The following NIN variants were observed in gnomAD, a reference collection of about 807,000 sequenced individuals.
NIN encodes the protein glycogen synthase kinase 3 beta-interacting protein.
In NIN, 137 loss-of-function variants were observed where a neutral mutation model predicts 257.6. That is an observed-to-expected ratio of 0.53 (90% confidence interval 0.46 to 0.61). The LOEUF (loss-of-function observed/expected upper bound fraction) is 0.61. Among genes scored for constraint, NIN ranks in the 20% least tolerant of loss-of-function variants. The pLI, the probability that NIN is intolerant of heterozygous loss-of-function variation, is 0.00. For synonymous variants in NIN, 918 were observed against 919.8 expected (o/e 1.00, Z 0.04); for missense variants, 2,439 against 2,501.2 (o/e 0.98, Z 0.53).
chr14:50,760,023 G>A lies in NIN; in HGVS notation c.2233C>T (p.Leu745Phe). Residue 745 changes from leucine to phenylalanine, a missense_variant, in exon 17 of 31, where the codon CTT becomes TTT. Leu to Phe is a conservative substitution (Grantham distance 22). Around this residue, in one of 3 missense-constraint regions of NIN, gnomAD observed 2,043 missense variants for 2,050.2 expected, o/e 1.00. Coordinates refer to ENST00000530997, the MANE Select transcript of NIN (RefSeq NM_020921.4). ...QASFEREREG[L>F]QSSAWTEEKV... is the part of the protein sequence containing the mutation. ...TCTTCTGTCCAGGCGCTACTCTGAA[G>A]GCCTTCCCTCTCCCGCTCAAAGCTT... The A allele has an allele frequency of 6.2e-7, 1 of 1,614,194 alleles. No homozygotes were observed. Among genetic ancestry groups the A allele is most frequent in the Non-Finnish European group, 8.5e-7 (1 of 1,180,040 alleles).
intron 21 of NIN, among the ~76,000 whole-genome samples, chr14:50,749,051 C>G (rs1021391322): frequency 6.6e-6 from 1 of 152,182 alleles, no homozygotes; most frequent in African/African-American, 2.4e-5. Context: ...AGCTACCTGA[C>G]TTCAAACTAT....
chr14:50,729,664 C>G lies in NIN; in HGVS notation c.5937G>C (p.Gln1979His), dbSNP rs375593881. The G allele has an allele frequency of 2.5e-6, 4 of 1,613,664 alleles. No individual in the cohort carries two copies. The highest frequency in any genetic ancestry group is 2.7e-5 in the African/African-American group (2 of 74,940). ...PSPSPHAWDLQLLQQQACPMV... is the reference protein window; with the variant it reads ...PSPSPHAWDLHLLQQQACPMV... ...TCGGACAGGCTTGCTGCTGGAGCAG[C>G]TGCAAATCCCAAGCATGAGGGGACG... The change falls in exon 29 of 31, where the codon CAG (glutamine) becomes CAC (histidine). Residue 1979 changes from glutamine (Q) to histidine (H), a missense_variant. Physicochemically the swap from Gln to His is conservative, Grantham distance 24. Around this residue, in one of 3 missense-constraint regions of NIN, gnomAD observed 2,043 missense variants for 2,050.2 expected, o/e 1.00. Transcript: ENST00000530997.
At chr14:50,771,151 T>A (rs1316678296) in intron 10 of NIN, among the ~76,000 whole-genome samples, 159 bp from the exon 11 acceptor site, 2 of 152,190 alleles carry the variant, frequency 1.3e-5, no homozygotes, top group African/African-American at 2.4e-5. Flanking sequence ...TTCAAAAGCC[T>A]ACATGTCAAT....
intron 4 of NIN, among the ~76,000 whole-genome samples, chr14:50,805,290 C>G (rs1357015666): frequency 6.6e-6 from 1 of 152,096 alleles, no homozygotes; most frequent in Non-Finnish European, 1.5e-5. Flanking sequence ...GTGAAAACAC[C>G]AATAAAATGA....
rs569248033 is a variant in NIN at position 50,784,820 on chromosome 14, A to C, written c.436-6016T>G. On this transcript the variant is annotated intron_variant, in intron 5 of 30. Coordinates refer to ENST00000530997, the MANE Select transcript of NIN (RefSeq NM_020921.4). ...GATGAAGCAGTGAACTTCCAATTCA[A>C]CTTAGGATCAGGGCTTCCCCTGGGG... 6.6e-4 allele frequency among the ~76,000 whole-genome samples: 100 copies of C among 152,334 alleles called. 3 individuals are homozygous for C. In the South Asian group the frequency reaches 0.02, roughly 31 times the overall value.
At chr14:50,762,057 C>A (rs374923939) in intron 15 of NIN, 146 bp from the exon 16 acceptor site, 1 of 805,420 alleles carries the variant, frequency 1.2e-6, no homozygotes, top group Non-Finnish European at 2.0e-6. Context: ...TAACAGAGGC[C>A]AAGAGAAGTC....
intron 14 of NIN, among the ~76,000 whole-genome samples, chr14:50,765,690 G>T (rs1474919656): frequency 6.7e-6 from 1 of 150,002 alleles, no homozygotes; most frequent in African/African-American, 2.4e-5. Flanking sequence ...GTGGTTTTCT[G>T]TTTCATTTGC....
chr14:50,759,163 A>T (rs1373755391), intron 17 of NIN, among the ~76,000 whole-genome samples: 1 of 152,218 alleles, frequency 6.6e-6, no homozygotes, highest in Admixed American at 6.5e-5. Context: ...GTAAGCATGG[A>T]GTGCTGTTTC....
At chr14:50,796,878 T>G (rs2043863187) in intron 4 of NIN, among the ~76,000 whole-genome samples, 1 of 152,196 alleles carries the variant, frequency 6.6e-6, no homozygotes, top group Admixed American at 6.5e-5. Flanking sequence ...TCACCACATC[T>G]GCATCAGATG....
At chr14:50,734,567 A>T (rs911869203) in intron 28 of NIN, among the ~76,000 whole-genome samples, 10 of 152,252 alleles carry the variant, frequency 6.6e-5, no homozygotes, top group Non-Finnish European at 1.3e-4. Flanking sequence ...CTTAAGAAGG[A>T]TGTACACATA....
intron 28 of NIN, among the ~76,000 whole-genome samples, chr14:50,732,283 G>C (rs964792319): frequency 6.6e-6 from 1 of 152,172 alleles, no homozygotes; most frequent in Non-Finnish European, 1.5e-5. Flanking sequence ...TTCTGATATA[G>C]AAACCTGTCC....
Position 50,769,261 on chromosome 14 carries a change from A to T in NIN, c.1434+1127T>A, listed in dbSNP as rs568147750. On this transcript the variant is annotated intron_variant, in intron 12 of 30. Coordinates refer to ENST00000530997, the MANE Select transcript of NIN (RefSeq NM_020921.4). ...GAAACAGGCTGAGGAACCTGATCAA[A>T]GTTTTCAGTAAGTGGTGGTACCCAG... Among the ~76,000 whole-genome samples the T allele has an allele frequency of 2.6e-5, 4 of 152,282 alleles. No homozygotes were observed. The South Asian group carries it at 8.3e-4, about 32-fold the overall frequency.
At chr14:50,730,993 G>A (rs1308494101) in intron 28 of NIN, 1 of 1,297,506 alleles carries the variant, frequency 7.7e-7, no homozygotes, top group African/African-American at 1.5e-5. Flanking sequence ...TCTAGGTACA[G>A]GTTAGCCACA....
intron 16 of NIN, among the ~76,000 whole-genome samples, chr14:50,761,400 T>C (rs1051069911): frequency 6.6e-6 from 1 of 152,210 alleles, no homozygotes; most frequent in South Asian, 2.1e-4. Context: ...GAACGGTCAG[T>C]TGAAGTCTGG....
At chr14:50,763,740 T>C in intron 15 of NIN, 86 bp downstream of exon 15, 1 of 1,172,584 alleles carries the variant, frequency 8.5e-7, no homozygotes. Flanking sequence ...TTTTTCAAGT[T>C]GCCAAAGCTT....
chr14:50,723,789 T>C, intron 30 of NIN, 117 bp from the exon 31 acceptor site: 1 of 775,216 alleles, frequency 1.3e-6, no homozygotes, highest in Non-Finnish European at 2.1e-6. Context: ...CGTCTAATTA[T>C]ATTCTTTTAT....
In NIN at chr14:50,747,966, C is replaced by A. The variant is rs182338288; in HGVS notation, c.5064+26G>T. ...CACCAGGTACATATTGTTCTGTGAACCCCCCTTAGCTGCACACAGCCTTAC... is the reference window on the plus strand; with the variant it reads ...CACCAGGTACATATTGTTCTGTGAAACCCCCTTAGCTGCACACAGCCTTAC... On this transcript the variant is annotated intron_variant, in intron 22 of 30. Coordinates refer to ENST00000530997, the MANE Select transcript of NIN (RefSeq NM_020921.4). 4.6e-3 allele frequency: 6,683 copies of A among 1,464,240 alleles called. 25 individuals carry two copies. The highest frequency in any genetic ancestry group is 5.9e-3 in the Non-Finnish European group (6,144 of 1,044,138). The allele number at this position is 1,464,240 out of a possible 1,614,324, so 90.7% of individuals were successfully genotyped here.
chr14:50,775,493 G>A (rs2042888136), intron 7 of NIN, among the ~76,000 whole-genome samples: 1 of 152,138 alleles, frequency 6.6e-6, no homozygotes, highest in Non-Finnish European at 1.5e-5. Context: ...AAGTAAATGA[G>A]ATCATCTTGA....
chr14:50,779,576 A>T (rs2043047560), intron 5 of NIN, among the ~76,000 whole-genome samples: 1 of 152,106 alleles, frequency 6.6e-6, no homozygotes, highest in Non-Finnish European at 1.5e-5. Flanking sequence ...GGCCAACACA[A>T]TGAAACCCCA....
Sources: allele counts gnomAD v4.1 joint callset (sites outside exome capture counted in the v4.1 genomes callset), GRCh38; gene constraint gnomAD v4.1.1; regional missense constraint gnomAD v4.1.1; transcripts MANE v1.5; gene names NCBI Gene and HGNC (gene_info 2026-07-23, HGNC 2026-07-21).